The following CTNNA2 variants were observed in gnomAD, a reference collection of about 807,000 sequenced individuals.
CTNNA2 encodes the protein catenin alpha-2.
Under a neutral mutation model 101.0 loss-of-function variants are expected in CTNNA2, and 42 were observed. The ratio of observed to expected loss-of-function variants is 0.42; its 90% CI spans 0.32 to 0.54. CTNNA2 has a LOEUF of 0.54. Among genes scored for constraint, CTNNA2 ranks in the 20% least tolerant of loss-of-function variants. The probability of loss-of-function intolerance (pLI) is 0.14; values close to 1 mark genes in which losing one functional copy is unlikely to be tolerated. For synonymous variants in CTNNA2, 450 were observed against 456.4 expected (o/e 0.99, Z 0.18); for missense variants, 871 against 1,223.1 (o/e 0.71, Z 4.29).
intron 12 of CTNNA2, among the ~76,000 whole-genome samples, chr2:80,562,985 A>G (rs1693741432): frequency 6.6e-6 from 1 of 151,546 alleles, no homozygotes; most frequent in East Asian, 1.9e-4. Flanking sequence ...TATAGGCCAT[A>G]AATTTGGGGT....
chr2:79,450,240 G>C (rs939038985), intron 4 of CTNNA2, among the ~76,000 whole-genome samples: 1 of 151,422 alleles, frequency 6.6e-6, no homozygotes, highest in African/African-American at 2.4e-5. Flanking sequence ...GTTATTATTT[G>C]GATACTAAAA....
At chr2:80,232,370 TTTTTTTTTTTTTTTTTTTGTTAACACTAG>T (rs1709298837) in intron 7 of CTNNA2, among the ~76,000 whole-genome samples, 1 of 59,714 alleles carries the variant, frequency 1.7e-5, no homozygotes, top group African/African-American at 3.7e-5. Context: ...TTTTTTTTTT[TTTTTTTTTTTTTTTTTTTGTTAACACTAG>T]TTTTGGCAGC....
intron 1 of CTNNA2, among the ~76,000 whole-genome samples, chr2:79,536,266 A>AT (rs1227524944): frequency 1.3e-5 from 2 of 152,152 alleles, no homozygotes; most frequent in Non-Finnish European, 2.9e-5. Flanking sequence ...CATGATCGCT[A>AT]TTTGGTTGAT....
chr2:79,790,536 G>A (rs550087096), intron 3 of CTNNA2, among the ~76,000 whole-genome samples: 27 of 152,218 alleles, frequency 1.8e-4, no homozygotes, highest in African/African-American at 6.5e-4. Flanking sequence ...TTAAATAAAT[G>A]ACCTTCTAAG....
chr2:79,217,217 G>C lies in CTNNA2; in HGVS notation c.-406+19141G>C, dbSNP rs187220704. On this transcript the variant is annotated intron_variant, in intron 2 of 21. Transcript: ENST00000466387. ...CTGGTGGGTCTGAGGCCCTGAGATC[G>C]TAAGTGGATCTTTTTCACGGAGCAA... Among the ~76,000 whole-genome samples the C allele has an allele frequency of 2.0e-3, 298 of 152,280 alleles. 1 individual carries two copies. The highest frequency in any genetic ancestry group is 7.0e-3 in the African/African-American group (291 of 41,554).
At position 79,661,028 on chromosome 2, in the gene CTNNA2, G is replaced by T. The variant is rs953887285; in HGVS notation, c.102+9370G>T. Among the ~76,000 whole-genome samples the T allele has an allele frequency of 3.8e-4, 58 of 152,168 alleles. 1 individual carries two copies. Among genetic ancestry groups the T allele is most frequent in the Admixed American group, 3.3e-3 (50 of 15,272 alleles). The stretch of plus-strand genomic sequence containing the variant: ...CTGAAATTAAATCACTGTGTATGAT[G>T]TAAATGTTGGTGGTGACTGCTCTAG... On this transcript the variant is annotated intron_variant, in intron 2 of 18. Coordinates refer to ENST00000402739, the MANE Select transcript of CTNNA2 (RefSeq NM_001282597.3).
intron 7 of CTNNA2, among the ~76,000 whole-genome samples, chr2:80,022,205 C>T (rs906716566): frequency 3.3e-5 from 5 of 152,168 alleles, no homozygotes; most frequent in Admixed American, 6.6e-5. Context: ...GGTATCTATT[C>T]TTTTGCTTAG....
At chr2:79,476,768 T>A (rs1400579034) in intron 4 of CTNNA2, among the ~76,000 whole-genome samples, 1 of 152,162 alleles carries the variant, frequency 6.6e-6, no homozygotes, top group Non-Finnish European at 1.5e-5. Flanking sequence ...CCTGTGACAA[T>A]TTTTGCTAGC....
At chr2:79,233,101 C>T (rs1270950222) in intron 2 of CTNNA2, among the ~76,000 whole-genome samples, 1 of 151,994 alleles carries the variant, frequency 6.6e-6, no homozygotes, top group Non-Finnish European at 1.5e-5. Flanking sequence ...AGCTTTGAAG[C>T]TGGAATGTTG....
chr2:79,717,986 C>T (rs1686220030), intron 2 of CTNNA2, among the ~76,000 whole-genome samples: 1 of 152,020 alleles, frequency 6.6e-6, no homozygotes, highest in South Asian at 2.1e-4. Context: ...GTGGATAGCT[C>T]TCCCAGGACT....
rs1689751671 is a variant in CTNNA2 at position 80,523,463 on chromosome 2, T to C, written c.1291-21519T>C. Among the ~76,000 whole-genome samples, 4 of 152,188 alleles carry C rather than the reference T, an allele frequency of 2.6e-5. No individual in the cohort carries two copies. The South Asian group carries it at 8.3e-4, about 32-fold the overall frequency. On this transcript the variant is annotated intron_variant, in intron 9 of 18. Transcript: ENST00000402739. ...AGTGATTTGGTGATAATGTTAGGCC[T>C]GCGTGAAGAGAAAGTTATAAGGTAG...
At chr2:80,402,862 G>C (rs1180844278) in intron 8 of CTNNA2, among the ~76,000 whole-genome samples, 2 of 149,404 alleles carry the variant, frequency 1.3e-5, no homozygotes, top group African/African-American at 4.9e-5. Flanking sequence ...CTCTCTTCTG[G>C]GCATAGGTTA....
At chr2:79,855,901 A>C (rs954975124) in intron 3 of CTNNA2, among the ~76,000 whole-genome samples, 1 of 152,282 alleles carries the variant, frequency 6.6e-6, no homozygotes, top group East Asian at 1.9e-4. Flanking sequence ...TTCTACTTGC[A>C]CTGTATAAAG....
At chr2:79,553,763 C>G (rs1318156582) in intron 1 of CTNNA2, among the ~76,000 whole-genome samples, 1 of 152,160 alleles carries the variant, frequency 6.6e-6, no homozygotes, top group Non-Finnish European at 1.5e-5. Flanking sequence ...GGCTTCTCCT[C>G]TTATCACTGA....
chr2:79,887,584 T>G (rs2104177843), intron 6 of CTNNA2, among the ~76,000 whole-genome samples: 1 of 152,304 alleles, frequency 6.6e-6, no homozygotes, highest in African/African-American at 2.4e-5. Flanking sequence ...TTAAACAAAA[T>G]TCTACAAAGT....
chr2:80,525,110 G>A (rs572742548), intron 9 of CTNNA2, among the ~76,000 whole-genome samples: 1 of 151,992 alleles, frequency 6.6e-6, no homozygotes, highest in Admixed American at 6.6e-5. Flanking sequence ...TGGTGAGTGA[G>A]TGAATGAAGC....
chr2:79,560,288 A>G (rs1208965786), intron 1 of CTNNA2, among the ~76,000 whole-genome samples: 1 of 150,818 alleles, frequency 6.6e-6, no homozygotes, highest in African/African-American at 2.5e-5. Flanking sequence ...AAGATGAATT[A>G]CAAGGCATTA....
chr2:79,887,245 A>G (rs561440694), intron 6 of CTNNA2, among the ~76,000 whole-genome samples: 3 of 152,328 alleles, frequency 2.0e-5, no homozygotes, highest in South Asian at 2.1e-4. Context: ...CAGTATATCA[A>G]TAGAGTAGAA....
At chr2:80,024,579 C>CG (rs571351500) in intron 7 of CTNNA2, among the ~76,000 whole-genome samples, 37 of 152,282 alleles carry the variant, frequency 2.4e-4, no homozygotes, top group African/African-American at 8.7e-4. Context: ...CGCAGGTGAG[C>CG]GGGTGCAGGT....
Sources: gnomAD v4.1 joint callset for allele counts (sites outside exome capture counted in the v4.1 genomes callset) on GRCh38, gnomAD v4.1.1 for gene constraint, MANE v1.5 for transcripts, NCBI Gene and HGNC (gene_info 2026-07-23, HGNC 2026-07-21) for gene names.